The following TBCD variants were observed in gnomAD, a reference collection of about 807,000 sequenced individuals.
TBCD encodes the protein tubulin-specific chaperone D.
TBCD carries 105 observed loss-of-function variants against 169.3 expected under a neutral mutation model. That is an observed-to-expected ratio of 0.62 (90% CI 0.53 to 0.73). The LOEUF is 0.73. Among genes scored for constraint, TBCD ranks in the 30% least tolerant of loss-of-function variants. The pLI, the probability that TBCD is intolerant of heterozygous loss-of-function variation, is 0.00. For missense variants in TBCD, 1,444 were observed against 1,600.1 expected (o/e 0.90, Z 1.66); for synonymous variants, 700 against 643.9 (o/e 1.09, Z -1.32).
chr17:82,892,584 A>G (rs1189201784), intron 16 of TBCD, among the ~76,000 whole-genome samples: 1 of 152,098 alleles, frequency 6.6e-6, no homozygotes, highest in African/African-American at 2.4e-5. Context: ...CTGGCTGTTC[A>G]GTTACGTTGA....
chr17:82,811,239 G>C (rs551421306), intron 12 of TBCD, among the ~76,000 whole-genome samples: 5 of 152,340 alleles, frequency 3.3e-5, no homozygotes. Context: ...GGGCCTGCCT[G>C]TGCCTGTCTG....
intron 13 of TBCD, among the ~76,000 whole-genome samples, chr17:82,827,400 A>G (rs1471523699): frequency 3.9e-5 from 6 of 152,098 alleles, no homozygotes; most frequent in African/African-American, 1.2e-4. Context: ...GTGAGAGGGG[A>G]CATGGGGATG....
intron 4 of TBCD, among the ~76,000 whole-genome samples, chr17:82,767,404 T>G (rs2144019106): frequency 6.6e-6 from 1 of 152,214 alleles, no homozygotes; most frequent in East Asian, 1.9e-4. Flanking sequence ...AAAATAAGGG[T>G]ACTCCTTTTT....
At chr17:82,900,353 T>C (rs2059803631) in intron 17 of TBCD, among the ~76,000 whole-genome samples, 1 of 152,218 alleles carries the variant, frequency 6.6e-6, no homozygotes, top group African/African-American at 2.4e-5. Flanking sequence ...GTGTGTGTTG[T>C]TGCTGAGTAT....
chr17:82,875,500 C>G (rs964863996), intron 14 of TBCD, among the ~76,000 whole-genome samples: 2 of 152,224 alleles, frequency 1.3e-5, no homozygotes, highest in Non-Finnish European at 2.9e-5. Context: ...GTAAGCAGCT[C>G]ATGTTGACAT....
At chr17:82,862,215 C>G (rs1472855237) in intron 13 of TBCD, among the ~76,000 whole-genome samples, 1 of 152,126 alleles carries the variant, frequency 6.6e-6, no homozygotes, top group African/African-American at 2.4e-5. Context: ...AGCCACTGCG[C>G]CCGGCCAAAA....
At chr17:82,855,463 T>G (rs2056194341) in intron 13 of TBCD, among the ~76,000 whole-genome samples, 1 of 151,780 alleles carries the variant, frequency 6.6e-6, no homozygotes, top group African/African-American at 2.4e-5. Flanking sequence ...AGATGGGATC[T>G]CACTATGTTG....
In TBCD at chr17:82,920,626, C is replaced by T. The variant is rs1471171578; in HGVS notation, c.2101+8C>T. The T allele has an allele frequency of 1.6e-5, 24 of 1,544,012 alleles. No individual in the cohort carries two copies. The highest frequency in any genetic ancestry group is 1.7e-5 in the Non-Finnish European group (20 of 1,145,268). ...GAGGTGACACCGTAATTGGTAAGTG[C>T]TTTTGTTTTTAATAATAGCATTTTC... On this transcript the variant is annotated splice_region_variant and intron_variant, in intron 24 of 38. Coordinates refer to ENST00000355528, the MANE Select transcript of TBCD (RefSeq NM_005993.5). This position sits in a 1 kb window ranked among gnomAD's most constrained non-coding sequence, Gnocchi z 4.1.
Position 82,789,044 on chromosome 17 carries a change from G to A in TBCD, c.771+7323G>A, listed in dbSNP as rs2049510239. Among the ~76,000 whole-genome samples, 1 of 152,190 alleles carries A rather than the reference G, an allele frequency of 6.6e-6. No individual in the cohort carries two copies. Among genetic ancestry groups the A allele is most frequent in the Non-Finnish European group, 1.5e-5 (1 of 68,040 alleles). On this transcript the variant is annotated intron_variant, in intron 7 of 38. Coordinates refer to ENST00000355528, the MANE Select transcript of TBCD (RefSeq NM_005993.5). The surrounding 1 kb of genome is among the most constrained non-coding windows in gnomAD (Gnocchi z 4.8). ...GTGGCCAGAGGAAGATGACCCACGT[G>A]GTCCTTTTTAGTTGTAGTGCTCTCT...
chr17:82,831,486 C>T lies in TBCD; in HGVS notation c.1318+16552C>T. On this transcript the variant is annotated intron_variant, in intron 13 of 38. Coordinates refer to ENST00000355528, the MANE Select transcript of TBCD (RefSeq NM_005993.5). This position sits in a 1 kb window ranked among gnomAD's most constrained non-coding sequence, Gnocchi z 4.6. ...CATAGGAGGAAAATGCAGACTCTGGCCTGTAAAATCCGTAAGGAATCGGCA... is the reference window on the plus strand; with the variant it reads ...CATAGGAGGAAAATGCAGACTCTGGTCTGTAAAATCCGTAAGGAATCGGCA... 6.2e-7 allele frequency: 1 copy of T among 1,614,094 alleles called. No homozygotes were observed. The highest frequency in any genetic ancestry group is 8.5e-7 in the Non-Finnish European group (1 of 1,180,024).
rs1463839010 is a variant in TBCD, at chr17:82,901,559, G to A, written c.1730+828G>A. Among the ~76,000 whole-genome samples, 6 of 151,282 alleles carry A rather than the reference G, an allele frequency of 4.0e-5. 2 individuals carry two copies. Among genetic ancestry groups the A allele is most frequent in the Admixed American group, 3.9e-4 (6 of 15,220 alleles). ...GCCTACTATTGGTCCTGCTTCCTGGGGAGCGGCCCGGCTACCTGCGGTGGT... is the reference window on the plus strand; with the variant it reads ...GCCTACTATTGGTCCTGCTTCCTGGAGAGCGGCCCGGCTACCTGCGGTGGT... On this transcript the variant is annotated intron_variant, in intron 18 of 38. Coordinates refer to ENST00000355528, the MANE Select transcript of TBCD (RefSeq NM_005993.5).
chr17:82,807,605 C>A lies in TBCD; in HGVS notation c.1088-3C>A. ...GTCACGCATCACCTTCCTCTTCCTA[C>A]AGAGCAGCTGCTGGTCGGGCTGAAG... On this transcript the variant is annotated splice_region_variant and splice_polypyrimidine_tract_variant and intron_variant, in intron 10 of 38. Transcript: ENST00000355528. The A allele has an allele frequency of 6.5e-7, 1 of 1,528,780 alleles. No homozygotes were observed. The highest frequency in any genetic ancestry group is 8.8e-7 in the Non-Finnish European group (1 of 1,136,192). The allele number at this position is 1,528,780 out of a possible 1,614,324, so 94.7% of individuals were successfully genotyped here.
chr17:82,752,400 C>T, intron 1 of TBCD, 23 bp downstream of exon 1: 2 of 1,218,132 alleles, frequency 1.6e-6, no homozygotes, highest in Non-Finnish European at 2.0e-6. Flanking sequence ...CGCCGCGTGC[C>T]CGCTTCCTCC....
Position 82,870,326 on chromosome 17 carries a change from T to G in TBCD, c.1421T>G (p.Phe474Cys). 6.2e-7 allele frequency: 1 copy of G among 1,613,516 alleles called. No individual in the cohort carries two copies. Among genetic ancestry groups the G allele is most frequent in the African/African-American group, 1.3e-5 (1 of 75,072 alleles). ...RDAACYVCWAFARAYEPQELK... is the reference protein window; with the variant it reads ...RDAACYVCWACARAYEPQELK... ...GCCGCCTGCTACGTGTGCTGGGCCT[T>G]CGCGCGTGCCTATGAGCCTCAGGAG... is the stretch of plus-strand genomic sequence containing the variant. Residue 474 changes from phenylalanine to cysteine, a missense_variant, in exon 14 of 39, where the codon TTC becomes TGC. Coordinates refer to ENST00000355528, the MANE Select transcript of TBCD (RefSeq NM_005993.5).
chr17:82,759,944 T>C (rs949540721), intron 2 of TBCD, among the ~76,000 whole-genome samples: 17 of 150,448 alleles, frequency 1.1e-4, no homozygotes, highest in South Asian at 8.4e-4. Flanking sequence ...TGGAGTGCAG[T>C]GGCGTGTTCT....
intron 14 of TBCD, among the ~76,000 whole-genome samples, chr17:82,876,213 C>T (rs1039989473): frequency 2.0e-5 from 3 of 152,192 alleles, no homozygotes; most frequent in African/African-American, 7.2e-5. Context: ...CCCCTTGACT[C>T]GGACAGGAAA....
chr17:82,897,092 A>G (rs1032832189), intron 17 of TBCD, among the ~76,000 whole-genome samples: 1 of 152,138 alleles, frequency 6.6e-6, no homozygotes, highest in African/African-American at 2.4e-5. Flanking sequence ...CTTCCTGTTG[A>G]GAATTTGAGA....
intron 23 of TBCD, 80 bp downstream of exon 23, chr17:82,911,869 G>A: frequency 6.6e-7 from 1 of 1,513,654 alleles, no homozygotes; most frequent in Non-Finnish European, 9.1e-7. Flanking sequence ...TGGCGTGCAG[G>A]GCGGCCCATT....
rs138555525 is a variant in TBCD, at chr17:82,789,585, C to T, written c.771+7864C>T. Reference sequence around the variant, plus strand: ...TGTGGCCCCTGTGCAGGTTGGGGTGCCCCTGCCCTCTCCCCTGCCCCGCCC... The same window carrying T: ...TGTGGCCCCTGTGCAGGTTGGGGTGTCCCTGCCCTCTCCCCTGCCCCGCCC... On this transcript the variant is annotated intron_variant, in intron 7 of 38. Coordinates refer to ENST00000355528, the MANE Select transcript of TBCD (RefSeq NM_005993.5). The surrounding 1 kb of genome is among the most constrained non-coding windows in gnomAD (Gnocchi z 4.8). Among the ~76,000 whole-genome samples, 1 of 152,138 alleles carries T rather than the reference C, an allele frequency of 6.6e-6. No homozygotes were observed. Among genetic ancestry groups the T allele is most frequent in the African/African-American group, 2.4e-5 (1 of 41,440 alleles).
Sources: allele counts gnomAD v4.1 joint callset (sites outside exome capture counted in the v4.1 genomes callset), GRCh38; gene constraint gnomAD v4.1.1; non-coding constraint Gnocchi (gnomAD v3.1); transcripts MANE v1.5; gene names NCBI Gene and HGNC (gene_info 2026-07-23, HGNC 2026-07-21).